Variants in SCML4 observed in about 807,000 individuals in gnomAD.
SCML4 encodes sex comb on midleg-like protein 4.
Under a neutral mutation model 41.1 loss-of-function variants are expected in SCML4, and 34 were observed. The ratio of observed to expected loss-of-function variants is 0.83; its 90% confidence interval spans 0.63 to 1.10. SCML4 has a LOEUF of 1.10. Ranked by LOEUF, SCML4 falls within the 50% of genes least tolerant of loss-of-function variation. The probability of loss-of-function intolerance (pLI) is 0.00; values close to 1 mark genes in which losing one functional copy is unlikely to be tolerated. For synonymous variants in SCML4, 214 were observed against 220.9 expected, an observed-to-expected ratio of 0.97 and a Z score of 0.28; for missense variants, 522 against 534.1, an observed-to-expected ratio of 0.98 and a Z score of 0.22.
intron 2 of SCML4, chr6:107,755,666 TAA>T (rs11433930): frequency 0.011 from 10,930 of 1,034,400 alleles, no homozygotes; most frequent in South Asian, 0.019. Context: ...CTTAGGTTTC[TAA>T]AAAAAAAAAA....
chr6:107,791,348 C>T (rs147153812), intron 1 of SCML4, among the ~76,000 whole-genome samples: 4 of 152,214 alleles, frequency 2.6e-5, no homozygotes, highest in African/African-American at 9.6e-5. Context: ...GAGATAGTGA[C>T]GGCAGCTCAT....
intron 1 of SCML4, among the ~76,000 whole-genome samples, chr6:107,789,032 G>A (rs868653840): frequency 3.3e-5 from 5 of 152,186 alleles, no homozygotes; most frequent in Admixed American, 6.5e-5. Flanking sequence ...CAGTCCCAGC[G>A]TTGCTCCACC....
rs141168176 is a variant in SCML4 at position 107,765,899 on chromosome 6, T to A, written c.156+6273A>T. 6.9e-3 allele frequency among the ~76,000 whole-genome samples: 1,049 copies of A among 152,354 alleles called. 8 individuals are homozygous for A. Among genetic ancestry groups the A allele is most frequent in the African/African-American group, 0.024 (993 of 41,590 alleles). On this transcript the variant is annotated intron_variant, in intron 2 of 7. Transcript: ENST00000369020. Reference sequence around the variant, plus strand: ...TTTTAAAAAATGATGGAGAAAATACTAAAAATGCAGATTAAACTTAAAAGC... The same window carrying A: ...TTTTAAAAAATGATGGAGAAAATACAAAAAATGCAGATTAAACTTAAAAGC...
chr6:107,778,711 T>C (rs1562249533), intron 1 of SCML4, among the ~76,000 whole-genome samples: 1 of 152,068 alleles, frequency 6.6e-6, no homozygotes. Flanking sequence ...GATCAAGAAA[T>C]AACCAAATCC....
intron 6 of SCML4, chr6:107,720,075 C>A: frequency 2.0e-6 from 2 of 985,458 alleles, no homozygotes; most frequent in Non-Finnish European, 2.4e-6. Flanking sequence ...TCTGCCTCTG[C>A]TCATGTATTT....
chr6:107,799,051 T>C (rs1475465888), intron 1 of SCML4, among the ~76,000 whole-genome samples: 1 of 152,182 alleles, frequency 6.6e-6, no homozygotes, highest in Non-Finnish European at 1.5e-5. Flanking sequence ...TGTAGTTCTA[T>C]AGTGTTCTAT....
chr6:107,729,765 A>G (rs1434561915), intron 5 of SCML4, among the ~76,000 whole-genome samples: 2 of 152,222 alleles, frequency 1.3e-5, no homozygotes, highest in Admixed American at 6.5e-5. Flanking sequence ...GACACAGTAG[A>G]AATTGTGAAG....
intron 1 of SCML4, among the ~76,000 whole-genome samples, chr6:107,820,621 A>T (rs1387407137): frequency 1.3e-5 from 2 of 152,226 alleles, no homozygotes; most frequent in Admixed American, 1.3e-4. Context: ...GTTTGCAAAA[A>T]CATGAAGGAG....
In SCML4 at chr6:107,788,998, G is replaced by C. The variant is rs191441413; in HGVS notation, c.-59-16612C>G. On this transcript the variant is annotated intron_variant, in intron 1 of 7. Transcript: ENST00000369020. The stretch of plus-strand genomic sequence containing the variant: ...CTTCTGGTCACCAAGTATCACAAAG[G>C]CTTCTCAGCTGTCCTGATAGGCACA... 4.6e-5 allele frequency among the ~76,000 whole-genome samples: 7 copies of C among 152,262 alleles called. No individual in the cohort carries two copies. The East Asian group carries it at 1.2e-3, about 25-fold the overall frequency.
In SCML4 at chr6:107,772,363, A is replaced by C; in HGVS notation, c.-36T>G. The C allele has an allele frequency of 6.5e-7, 1 of 1,535,110 alleles. No homozygotes were observed. Among genetic ancestry groups the C allele is most frequent in the Non-Finnish European group, 8.8e-7 (1 of 1,139,160 alleles). On this transcript the variant is annotated 5_prime_UTR_variant, in exon 2 of 8. The change creates a new upstream start codon in the 5' untranslated region. Transcript: ENST00000369020. ...GCCAGTCTTACAGAATGAGGTGACA[A>C]ATCGCTCACAGGCAGAAGAGGTGCT...
At chr6:107,713,792 G>A (rs181448932) in intron 6 of SCML4, among the ~76,000 whole-genome samples, 6 of 152,236 alleles carry the variant, frequency 3.9e-5, no homozygotes, top group Admixed American at 6.5e-5. Flanking sequence ...GAAGGGGAGG[G>A]AGATCTGTTC....
chr6:107,791,954 C>A (rs551323487), intron 1 of SCML4, among the ~76,000 whole-genome samples: 2 of 152,072 alleles, frequency 1.3e-5, no homozygotes, highest in East Asian at 3.9e-4. Context: ...AGAGTGAGAC[C>A]CCGTCTCAAA....
chr6:107,750,145 C>T (rs992023081), intron 2 of SCML4, among the ~76,000 whole-genome samples: 1 of 152,236 alleles, frequency 6.6e-6, no homozygotes, highest in Non-Finnish European at 1.5e-5. Flanking sequence ...AGTTTCCAGC[C>T]TGCAGCCCAT....
intron 1 of SCML4, among the ~76,000 whole-genome samples, chr6:107,807,853 A>G (rs974497512): frequency 1.3e-5 from 2 of 152,214 alleles, no homozygotes; most frequent in East Asian, 1.9e-4. Context: ...ATTATCTTCT[A>G]TTCACGCTAC....
chr6:107,711,675 A>T (rs377013214), intron 6 of SCML4, among the ~76,000 whole-genome samples: 1 of 152,224 alleles, frequency 6.6e-6, no homozygotes, highest in African/African-American at 2.4e-5. Context: ...GGTAACTTAT[A>T]CAAAAGCCTG....
the SCML4 span, among the ~76,000 whole-genome samples, chr6:107,830,875 T>C: frequency 1.3e-5 from 2 of 152,194 alleles, no homozygotes; most frequent in African/African-American, 4.8e-5. Context: ...TTAATTCAAA[T>C]GGGTGATCTC....
chr6:107,792,729 T>TGAA, intron 1 of SCML4, among the ~76,000 whole-genome samples: 1 of 134,292 alleles, frequency 7.4e-6, no homozygotes, highest in African/African-American at 3.5e-5. Flanking sequence ...AGACTCTGTC[T>TGAA]CAAAAAAAAA....
intron 2 of SCML4, among the ~76,000 whole-genome samples, chr6:107,766,790 T>C (rs1780084557): frequency 1.3e-5 from 2 of 152,100 alleles, no homozygotes; most frequent in African/African-American, 4.8e-5. Context: ...CTGCTCAATG[T>C]TCAACCCGAG....
chr6:107,774,292 T>C (rs1780742707), intron 1 of SCML4, among the ~76,000 whole-genome samples: 1 of 151,658 alleles, frequency 6.6e-6, no homozygotes, highest in Admixed American at 6.6e-5. Flanking sequence ...CAGAATTCCA[T>C]AGGGAGCATT....
Sources: gnomAD v4.1 joint callset for allele counts (sites outside exome capture counted in the v4.1 genomes callset) on GRCh38, gnomAD v4.1.1 for gene constraint, MANE v1.5 for transcripts, NCBI Gene and HGNC (gene_info 2026-07-23, HGNC 2026-07-21) for gene names.